PRPF6: variants seen among roughly 807,000 people sequenced by gnomAD.
PRPF6 encodes the protein pre-mRNA-processing factor 6.
A neutral mutation model predicts 118.3 loss-of-function variants in PRPF6; 42 were observed. That is an observed-to-expected ratio of 0.35 (90% CI 0.28 to 0.46). The LOEUF (loss-of-function observed/expected upper bound fraction) is 0.46. Among genes scored for constraint, PRPF6 ranks in the 20% least tolerant of loss-of-function variants. The pLI is 1.00. For missense variants in PRPF6, 662 were observed against 1,255.7 expected (o/e 0.53, Z 7.15); for synonymous variants, 481 against 485.1 (o/e 0.99, Z 0.11).
chr20:63,986,387 G>T (rs1372027451), intron 3 of PRPF6, among the ~76,000 whole-genome samples: 1 of 151,366 alleles, frequency 6.6e-6, no homozygotes, highest in African/African-American at 2.4e-5. Context: ...TGACCAAGTG[G>T]CATTTTGCCC....
At chr20:64,000,123 C>T (rs1234287436) in intron 8 of PRPF6, among the ~76,000 whole-genome samples, 6 of 151,992 alleles carry the variant, frequency 3.9e-5, no homozygotes, top group African/African-American at 7.2e-5. Flanking sequence ...GAATCCACCA[C>T]GCCTGAATCC....
chr20:64,017,067 C>A (rs756152616), intron 12 of PRPF6, among the ~76,000 whole-genome samples: 1 of 152,124 alleles, frequency 6.6e-6, no homozygotes, highest in Non-Finnish European at 1.5e-5. Context: ...CTCAGCCTCC[C>A]GAGTAGCTGG....
intron 3 of PRPF6, among the ~76,000 whole-genome samples, chr20:63,988,165 C>G (rs1406199384): frequency 1.3e-5 from 2 of 152,010 alleles, no homozygotes; most frequent in South Asian, 4.2e-4. Flanking sequence ...ACTAAAAATA[C>G]AAAAATTAGC....
At chr20:64,005,419 C>A (rs929907684) in intron 9 of PRPF6, among the ~76,000 whole-genome samples, 1 of 152,188 alleles carries the variant, frequency 6.6e-6, no homozygotes, top group Non-Finnish European at 1.5e-5. Flanking sequence ...TCATCTCCCA[C>A]GCAGTCGAGG....
chr20:63,986,133 G>T lies in PRPF6; in HGVS notation c.359+1108G>T, dbSNP rs556907945. On this transcript the variant is annotated intron_variant, in intron 3 of 20. Coordinates refer to ENST00000266079, the MANE Select transcript of PRPF6 (RefSeq NM_012469.4). ...CGGATGATGGGTCATCTGAGGTCAG[G>T]AGTTCAAGACCAGTCTGGCCAACCT... 3.9e-5 allele frequency among the ~76,000 whole-genome samples: 6 copies of T among 152,114 alleles called. No homozygotes were observed. In the South Asian group the frequency reaches 1.2e-3, roughly 32 times the overall value.
chr20:64,005,486 C>T (rs906261524), intron 9 of PRPF6, among the ~76,000 whole-genome samples: 8 of 152,134 alleles, frequency 5.3e-5, no homozygotes, highest in Admixed American at 4.6e-4. Context: ...TATGCCTAGT[C>T]GCCTGGTTGG....
chr20:63,984,547 G>A (rs879128776), intron 2 of PRPF6, among the ~76,000 whole-genome samples: 3 of 152,148 alleles, frequency 2.0e-5, no homozygotes, highest in Admixed American at 2.0e-4. Flanking sequence ...CATGACCTTA[G>A]TGCAGTTATT....
At chr20:63,999,482 A>G in intron 7 of PRPF6, 121 bp from the exon 8 acceptor site, 1 of 1,365,312 alleles carries the variant, frequency 7.3e-7, no homozygotes, top group Non-Finnish European at 1.0e-6. Context: ...GGTTTTTGTA[A>G]CTCAGGACAT....
chr20:64,001,857 T>TG (rs2059167707), intron 9 of PRPF6, among the ~76,000 whole-genome samples: 1 of 152,128 alleles, frequency 6.6e-6, no homozygotes, highest in Admixed American at 6.6e-5. Context: ...TTTATTACTG[T>TG]GGATTCATAA....
At chr20:64,019,995 G>A (rs1286085245) in intron 12 of PRPF6, among the ~76,000 whole-genome samples, 1 of 152,176 alleles carries the variant, frequency 6.6e-6, no homozygotes, top group Non-Finnish European at 1.5e-5. Flanking sequence ...TGGGGACTTG[G>A]ACAGCTTTGA....
chr20:63,990,167 T>A (rs545858231), intron 3 of PRPF6, among the ~76,000 whole-genome samples: 44 of 152,252 alleles, frequency 2.9e-4, no homozygotes, highest in Admixed American at 2.2e-3. Flanking sequence ...CCACACACTT[T>A]AAACAACCAG....
At chr20:64,003,765 T>C (rs1326036374) in intron 9 of PRPF6, among the ~76,000 whole-genome samples, 1 of 152,106 alleles carries the variant, frequency 6.6e-6, no homozygotes, top group African/African-American at 2.4e-5. Context: ...CTGGCTAATT[T>C]TTTTTTGTAT....
At chr20:63,992,561 T>C (rs1260138117) in intron 3 of PRPF6, among the ~76,000 whole-genome samples, 1 of 152,140 alleles carries the variant, frequency 6.6e-6, no homozygotes, top group Non-Finnish European at 1.5e-5. Context: ...CTGGCCTTCT[T>C]AGGTGTTTAT....
intron 9 of PRPF6, among the ~76,000 whole-genome samples, chr20:64,006,727 TCAC>T (rs2059191475): frequency 6.6e-6 from 1 of 152,058 alleles, no homozygotes; most frequent in Non-Finnish European, 1.5e-5. Context: ...CATTCAGACA[TCAC>T]TGTTTATTCC....
At chr20:64,030,647 T>C (rs1024620399) in intron 19 of PRPF6, among the ~76,000 whole-genome samples, 5 of 152,210 alleles carry the variant, frequency 3.3e-5, no homozygotes, top group African/African-American at 9.7e-5. Context: ...ACTCTGATAG[T>C]GCAGCCATAA....
chr20:63,996,677 A>G (rs1329130144), intron 6 of PRPF6, among the ~76,000 whole-genome samples: 4 of 152,166 alleles, frequency 2.6e-5, no homozygotes, highest in Non-Finnish European at 1.5e-5. Context: ...CTGTAATCCT[A>G]GCACTTTGAG....
At chr20:64,004,442 C>T (rs115447289) in intron 9 of PRPF6, among the ~76,000 whole-genome samples, 175 of 152,314 alleles carry the variant, frequency 1.1e-3, no homozygotes, top group African/African-American at 3.9e-3. Flanking sequence ...AACACTTACA[C>T]GTTGCTTGAA....
chr20:64,024,088 G>A (rs1314865661), intron 13 of PRPF6, among the ~76,000 whole-genome samples: 2 of 152,146 alleles, frequency 1.3e-5, no homozygotes, highest in South Asian at 2.1e-4. Flanking sequence ...TGATGCCCAC[G>A]GCTGGCAGTT....
intron 12 of PRPF6, among the ~76,000 whole-genome samples, chr20:64,021,289 C>T (rs890317285): frequency 1.3e-4 from 18 of 138,936 alleles, no homozygotes; most frequent in East Asian, 5.0e-4. Context: ...CAGCCCCGTG[C>T]GTGTGTGTGT....
Sources: gnomAD v4.1 joint callset for allele counts (sites outside exome capture counted in the v4.1 genomes callset) on GRCh38, gnomAD v4.1.1 for gene constraint, MANE v1.5 for transcripts, NCBI Gene and HGNC (gene_info 2026-07-23, HGNC 2026-07-21) for gene names.